The following DOCK2 variants were observed in gnomAD, a reference collection of about 807,000 sequenced individuals.
DOCK2 encodes dedicator of cytokinesis 2, also known as dedicator of cytokinesis protein 2.
A neutral mutation model predicts 248.9 loss-of-function variants in DOCK2; 87 were observed. The observed-to-expected ratio is 0.35, with a 90% CI of 0.29 to 0.42. The LOEUF (loss-of-function observed/expected upper bound fraction) is 0.42, where lower values mean the gene tolerates loss of function less well. DOCK2 is among the 10% of genes least tolerant of loss of function. The pLI is 1.00. For missense variants in DOCK2, 1,747 were observed against 2,300.2 expected (o/e 0.76, Z 4.92); for synonymous variants, 805 against 821.6 (o/e 0.98, Z 0.35).
chr5:169,637,740 G>A (rs1398675081), intron 1 of DOCK2, among the ~76,000 whole-genome samples: 2 of 152,168 alleles, frequency 1.3e-5, no homozygotes, highest in East Asian at 3.9e-4. Context: ...CTCTCCCCTG[G>A]CTCAGCCTTG....
intron 26 of DOCK2, among the ~76,000 whole-genome samples, chr5:169,824,460 A>T (rs997412078): frequency 1.3e-5 from 2 of 152,222 alleles, no homozygotes; most frequent in Non-Finnish European, 2.9e-5. Flanking sequence ...GCCCTCAGAA[A>T]TAATACCACA....
At chr5:169,921,787 G>A (rs33371) in intron 27 of DOCK2, among the ~76,000 whole-genome samples, 111,354 of 152,052 alleles carry the variant, frequency 0.73, 41,330 homozygotes, top group African/African-American at 0.84. Flanking sequence ...AAGCAGTGTT[G>A]TGACAGTCTT....
intron 27 of DOCK2, among the ~76,000 whole-genome samples, chr5:169,863,464 C>T (rs1771331442): frequency 6.6e-6 from 1 of 152,180 alleles, no homozygotes; most frequent in Non-Finnish European, 1.5e-5. Flanking sequence ...AAGTTCACAC[C>T]AAAAACAGAT....
intron 27 of DOCK2, among the ~76,000 whole-genome samples, chr5:169,943,249 C>T (rs1298317671): frequency 6.6e-6 from 1 of 152,148 alleles, no homozygotes; most frequent in Non-Finnish European, 1.5e-5. Context: ...TTCATTGGTA[C>T]ATTTCCTTTG....
chr5:169,887,871 A>G (rs546393000), intron 27 of DOCK2, among the ~76,000 whole-genome samples: 104 of 152,270 alleles, frequency 6.8e-4, no homozygotes, highest in African/African-American at 2.4e-3. Flanking sequence ...AAGGTCTTTC[A>G]CCAGAACCTC....
intron 27 of DOCK2, among the ~76,000 whole-genome samples, chr5:169,925,246 G>A (rs1368850459): frequency 1.3e-5 from 2 of 152,160 alleles, no homozygotes; most frequent in Non-Finnish European, 2.9e-5. Flanking sequence ...TATCTGTAAA[G>A]TGGAGAAGTC....
intron 27 of DOCK2, among the ~76,000 whole-genome samples, chr5:169,861,904 A>G (rs2113409938): frequency 6.6e-6 from 1 of 151,632 alleles, no homozygotes; most frequent in African/African-American, 2.4e-5. Context: ...AGAAATGTCA[A>G]CATTTTATTT....
intron 25 of DOCK2, among the ~76,000 whole-genome samples, chr5:169,762,956 A>G (rs1459170280): frequency 1.3e-5 from 2 of 152,354 alleles, no homozygotes; most frequent in East Asian, 3.9e-4. Context: ...CCTGGTTAAC[A>G]TGGTGCATCC....
At chr5:169,810,983 T>TCA (rs781388716) in intron 26 of DOCK2, among the ~76,000 whole-genome samples, 40 of 84,968 alleles carry the variant, frequency 4.7e-4, no homozygotes, top group African/African-American at 8.6e-4. Flanking sequence ...TCTCTCTCTC[T>TCA]CTCTCTCACA....
intron 33 of DOCK2, among the ~76,000 whole-genome samples, chr5:170,021,287 G>A (rs746511173): frequency 1.3e-5 from 2 of 152,220 alleles, no homozygotes; most frequent in African/African-American, 4.8e-5. Flanking sequence ...AGCAAGGTCT[G>A]TGCAGCTTGG....
At chr5:169,718,843 A>G in intron 22 of DOCK2, 52 bp downstream of exon 22, 2 of 1,556,478 alleles carry the variant, frequency 1.3e-6, no homozygotes, top group Non-Finnish European at 1.7e-6. Context: ...TTCCTCTGGG[A>G]TACAACAGTA....
intron 27 of DOCK2, among the ~76,000 whole-genome samples, chr5:169,864,792 C>G (rs952551102): frequency 1.3e-5 from 2 of 152,118 alleles, no homozygotes; most frequent in African/African-American, 4.8e-5. Context: ...TGAAAACTGT[C>G]TCATTATTAA....
rs1221623313 is a variant in DOCK2, at chr5:170,082,934, C to T, written c.*76C>T. On this transcript the variant is annotated 3_prime_UTR_variant, in exon 52 of 52. Coordinates refer to ENST00000520908, the MANE Select transcript of DOCK2 (RefSeq NM_004946.3). Reference sequence around the variant, plus strand: ...AAGAGGAAAGCCATGCGTGGAACATCGAAGCCTCAGAGAGTGGGAGACTGT... The same window carrying T: ...AAGAGGAAAGCCATGCGTGGAACATTGAAGCCTCAGAGAGTGGGAGACTGT... The T allele has an allele frequency of 8.8e-6, 14 of 1,587,894 alleles. No homozygotes were observed. The highest frequency in any genetic ancestry group is 6.7e-5 in the East Asian group (3 of 44,684).
intron 26 of DOCK2, among the ~76,000 whole-genome samples, chr5:169,822,781 A>G (rs1768552681): frequency 6.6e-6 from 1 of 152,236 alleles, no homozygotes; most frequent in Non-Finnish European, 1.5e-5. Context: ...AGCAGAACTG[A>G]AGGAGATAGA....
At chr5:169,794,161 G>C (rs973031553) in intron 25 of DOCK2, among the ~76,000 whole-genome samples, 3 of 151,970 alleles carry the variant, frequency 2.0e-5, no homozygotes, top group African/African-American at 7.3e-5. Context: ...CAGTCCACCC[G>C]CCGGGTCTGA....
chr5:169,938,008 T>G (rs1561838209), intron 27 of DOCK2, among the ~76,000 whole-genome samples: 1 of 152,324 alleles, frequency 6.6e-6, no homozygotes, highest in East Asian at 1.9e-4. Flanking sequence ...CTCAGGCCAG[T>G]AAAAACTCAG....
At chr5:170,021,916 G>T (rs1755742336) in intron 33 of DOCK2, among the ~76,000 whole-genome samples, 1 of 152,134 alleles carries the variant, frequency 6.6e-6, no homozygotes, top group Admixed American at 6.5e-5. Flanking sequence ...AATCCAGGAG[G>T]GCTGGTGTGC....
At chr5:169,828,171 CT>C (rs1465247364) in intron 26 of DOCK2, among the ~76,000 whole-genome samples, 7 of 152,290 alleles carry the variant, frequency 4.6e-5, no homozygotes, top group Admixed American at 2.0e-4. Flanking sequence ...TACAAATTCA[CT>C]CCTTAGATCT....
At chr5:169,910,581 C>T (rs1774540715) in intron 27 of DOCK2, among the ~76,000 whole-genome samples, 1 of 152,162 alleles carries the variant, frequency 6.6e-6, no homozygotes, top group Non-Finnish European at 1.5e-5. Context: ...CCGAGGTTCA[C>T]TGCACTAAGT....
Sources: gnomAD v4.1 joint callset for allele counts (sites outside exome capture counted in the v4.1 genomes callset) on GRCh38, gnomAD v4.1.1 for gene constraint, MANE v1.5 for transcripts, NCBI Gene and HGNC (gene_info 2026-07-23, HGNC 2026-07-21) for gene names.